Variants in ME2 observed in about 807,000 individuals in gnomAD.
ME2 encodes the protein NAD-dependent malic enzyme, mitochondrial.
In ME2, 60 loss-of-function variants were observed where a neutral mutation model predicts 73.7. The ratio of observed to expected loss-of-function variants is 0.81; its 90% CI spans 0.66 to 1.01. The LOEUF is 1.01. Among genes scored for constraint, ME2 ranks in the 50% least tolerant of loss-of-function variants. ME2 has a pLI of 0.00. For missense variants in ME2, 594 were observed against 705.5 expected, an observed-to-expected ratio of 0.84 and a Z score of 1.79; for synonymous variants, 199 against 236.9, an observed-to-expected ratio of 0.84 and a Z score of 1.47.
At chr18:50,946,350 A>C (rs953974313) in intron 15 of ME2, among the ~76,000 whole-genome samples, 32 of 152,306 alleles carry the variant, frequency 2.1e-4, no homozygotes, top group African/African-American at 7.7e-4. Flanking sequence ...TCTAATATCT[A>C]GACTCAGAAT....
At chr18:50,900,870 C>T (rs777105796) in intron 2 of ME2, among the ~76,000 whole-genome samples, 1 of 152,148 alleles carries the variant, frequency 6.6e-6, no homozygotes, top group Non-Finnish European at 1.5e-5. Context: ...TGTAAGTTTC[C>T]TGAGGTCTCC....
At position 50,948,696 on chromosome 18, in the gene ME2, A is replaced by G. The variant is rs1918149256; in HGVS notation, c.*1512A>G. 6.6e-6 allele frequency: 1 copy of G among 151,916 alleles called. No homozygotes were observed. Among genetic ancestry groups the G allele is most frequent in the African/African-American group, 2.4e-5 (1 of 41,270 alleles). The allele number at this position is 151,916 out of a possible 1,614,324, so 9.4% of individuals were successfully genotyped here. A position where few individuals can be genotyped will look rare whatever the true frequency, so the allele number is the denominator to read the frequency against. Reference sequence around the variant, plus strand: ...GTAGCTGGGACTACAGGTACACGCCACCACGCCCAGCTAATTTTTGTATTT... The same window carrying G: ...GTAGCTGGGACTACAGGTACACGCCGCCACGCCCAGCTAATTTTTGTATTT... On this transcript the variant is annotated 3_prime_UTR_variant, in exon 16 of 16. Coordinates refer to ENST00000321341, the MANE Select transcript of ME2 (RefSeq NM_002396.5).
intron 1 of ME2, among the ~76,000 whole-genome samples, chr18:50,885,491 C>G (rs973815726): frequency 4.6e-5 from 7 of 151,824 alleles, no homozygotes; most frequent in African/African-American, 1.5e-4. Context: ...GTATTCCAGC[C>G]TGAGTGACAG....
At position 50,947,223 on chromosome 18, in the gene ME2, A is replaced by G. The variant is rs994086303; in HGVS notation, c.*39A>G. ...ATAAATACTTTCTGTGCTCCAGGGA[A>G]CCCCTTTTTTCAGACAAGAAGAGAT... On this transcript the variant is annotated 3_prime_UTR_variant, in exon 16 of 16. Transcript: ENST00000321341. The G allele has an allele frequency of 1.2e-5, 19 of 1,586,548 alleles. No individual in the cohort carries two copies. Among genetic ancestry groups the G allele is most frequent in the African/African-American group, 8.2e-5 (6 of 73,584 alleles).
chr18:50,893,904 T>A (rs558176173), intron 1 of ME2, among the ~76,000 whole-genome samples: 1 of 152,354 alleles, frequency 6.6e-6, no homozygotes, highest in Non-Finnish European at 1.5e-5. Flanking sequence ...TTTCCACTTT[T>A]TTGACAAAGA....
At chr18:50,907,983 T>C in intron 2 of ME2, 80 bp from the exon 3 acceptor site, 1 of 1,124,628 alleles carries the variant, frequency 8.9e-7, no homozygotes, top group Non-Finnish European at 1.2e-6. Flanking sequence ...CAAATTTGCA[T>C]TTAAATTATA....
chr18:50,924,298 A>C (rs1341389580), intron 11 of ME2, 86 bp downstream of exon 11: 4 of 900,454 alleles, frequency 4.4e-6, no homozygotes, highest in African/African-American at 3.4e-5. Context: ...CTAAAAATGA[A>C]TTGGCAGTTT....
At chr18:50,937,216 C>G (rs544908995) in intron 13 of ME2, among the ~76,000 whole-genome samples, 30 of 151,636 alleles carry the variant, frequency 2.0e-4, no homozygotes, top group African/African-American at 7.3e-4. Context: ...CTAAATGGAC[C>G]ACATTCTCTA....
chr18:50,900,017 A>G (rs1055610289), intron 2 of ME2, among the ~76,000 whole-genome samples: 21 of 152,178 alleles, frequency 1.4e-4, no homozygotes, highest in Non-Finnish European at 4.4e-5. Flanking sequence ...TTTGGATTAG[A>G]TAGGAGTTTT....
intron 2 of ME2, 109 bp downstream of exon 2, chr18:50,896,037 CAG>C: frequency 1.4e-6 from 1 of 730,730 alleles, no homozygotes; most frequent in Non-Finnish European, 2.2e-6. Flanking sequence ...TAAGGTTGTT[CAG>C]AGATAGTTGT....
intron 13 of ME2, among the ~76,000 whole-genome samples, chr18:50,937,164 A>G (rs1321174692): frequency 2.1e-5 from 3 of 145,882 alleles, no homozygotes. Context: ...CAATTACTTG[A>G]AAAAAAAAAA....
rs908479174 is a variant in ME2, at chr18:50,895,985, T to C, written c.108+57T>C. ...TCTCTTCTTATTAAAGTTTGATATA[T>C]TTAAGACTGATAAGGTGTGACATAT... is the stretch of plus-strand genomic sequence containing the variant. On this transcript the variant is annotated intron_variant, in intron 2 of 15. Coordinates refer to ENST00000321341, the MANE Select transcript of ME2 (RefSeq NM_002396.5). 3.4e-6 allele frequency: 4 copies of C among 1,171,636 alleles called. No homozygotes were observed. In the South Asian group the frequency reaches 3.8e-5, roughly 11 times the overall value. The allele number at this position is 1,171,636 out of a possible 1,614,324, so 72.6% of individuals were successfully genotyped here.
At chr18:50,924,535 G>A (rs1793275126) in intron 11 of ME2, among the ~76,000 whole-genome samples, 1 of 150,362 alleles carries the variant, frequency 6.7e-6, no homozygotes, top group Non-Finnish European at 1.5e-5. Context: ...AGTTTTCGTG[G>A]GCAACAAAGC....
intron 15 of ME2, among the ~76,000 whole-genome samples, chr18:50,940,805 C>G (rs1917931256): frequency 6.6e-6 from 1 of 152,238 alleles, no homozygotes; most frequent in South Asian, 2.1e-4. Flanking sequence ...TGCACTTTTT[C>G]CCCTTAATAT....
At chr18:50,902,297 A>G (rs1329194778) in intron 2 of ME2, among the ~76,000 whole-genome samples, 1 of 152,178 alleles carries the variant, frequency 6.6e-6, no homozygotes, top group African/African-American at 2.4e-5. Context: ...TTTATATTTT[A>G]ACTTCTCCCG....
rs961580349 is a variant in ME2, at chr18:50,891,814, A to C, written c.-12-3995A>C. ...ACGCCCACCTGGAATTGGACTTATA[A>C]TTTTTTTTTTTTTTTTTGAGATGGG... On this transcript the variant is annotated intron_variant, in intron 1 of 15. Coordinates refer to ENST00000321341, the MANE Select transcript of ME2 (RefSeq NM_002396.5). 3.3e-4 allele frequency among the ~76,000 whole-genome samples: 47 copies of C among 140,876 alleles called. 1 individual carries two copies. The highest frequency in any genetic ancestry group is 5.5e-4 in the Non-Finnish European group (35 of 64,086). The allele number at this position is 140,876 out of a possible 152,430, so 92.4% of individuals were successfully genotyped here.
At chr18:50,906,804 C>T (rs1265525962) in intron 2 of ME2, among the ~76,000 whole-genome samples, 1 of 152,208 alleles carries the variant, frequency 6.6e-6, no homozygotes, top group African/African-American at 2.4e-5. Flanking sequence ...CAGTTTACAA[C>T]TACCCAGAAG....
chr18:50,889,942 G>A (rs368238404), intron 1 of ME2, among the ~76,000 whole-genome samples: 1 of 152,022 alleles, frequency 6.6e-6, no homozygotes, highest in Admixed American at 6.6e-5. Flanking sequence ...ATTTGATTTG[G>A]GGAAGCCTGT....
chr18:50,900,325 C>G (rs926631989), intron 2 of ME2, among the ~76,000 whole-genome samples: 2 of 151,260 alleles, frequency 1.3e-5, no homozygotes, highest in East Asian at 1.9e-4. Context: ...GATGGAGTCT[C>G]GCTCTGTTGC....
Sources: gnomAD v4.1 joint callset for allele counts (sites outside exome capture counted in the v4.1 genomes callset) on GRCh38, gnomAD v4.1.1 for gene constraint, MANE v1.5 for transcripts, NCBI Gene and HGNC (gene_info 2026-07-23, HGNC 2026-07-21) for gene names.